Variants in ROBO1 observed in about 807,000 individuals in gnomAD.
ROBO1 encodes roundabout guidance receptor 1.
ROBO1 carries 149 observed loss-of-function variants against 195.9 expected under a neutral mutation model. That is an observed-to-expected ratio of 0.76 (90% CI 0.67 to 0.87). The LOEUF (loss-of-function observed/expected upper bound fraction) is 0.87. ROBO1 is among the 40% of genes least tolerant of loss of function. The pLI is 0.00. For synonymous variants in ROBO1, 816 were observed against 733.2 expected, an observed-to-expected ratio of 1.11 and a Z score of -1.82; for missense variants, 1,933 against 2,068.3, an observed-to-expected ratio of 0.93 and a Z score of 1.27.
intron 16 of ROBO1, chr3:78,660,010 T>C (rs1393595801): frequency 6.2e-6 from 2 of 321,360 alleles, no homozygotes; most frequent in African/African-American, 2.4e-5. Flanking sequence ...AACCTCCCCC[T>C]CCCGGGTTCA....
At chr3:79,435,283 G>T (rs767296304) in intron 2 of ROBO1, among the ~76,000 whole-genome samples, 2 of 152,084 alleles carry the variant, frequency 1.3e-5, no homozygotes, top group East Asian at 3.9e-4. Flanking sequence ...AGGTGGTCTT[G>T]CTATGTTGTT....
intron 3 of ROBO1, among the ~76,000 whole-genome samples, chr3:78,961,941 GTT>G (rs74866184): frequency 1.4e-5 from 2 of 141,716 alleles, no homozygotes; most frequent in Admixed American, 7.0e-5. Flanking sequence ...TTTGTTTTTT[GTT>G]TTTTTTTTTT....
chr3:79,478,567 G>C (rs1485722658), intron 2 of ROBO1, among the ~76,000 whole-genome samples: 1 of 152,130 alleles, frequency 6.6e-6, no homozygotes, highest in African/African-American at 2.4e-5. Flanking sequence ...TTCCCAGAAA[G>C]CCTGAGCTGC....
At chr3:79,193,384 T>C (rs766409599) in intron 2 of ROBO1, among the ~76,000 whole-genome samples, 6 of 151,628 alleles carry the variant, frequency 4.0e-5, no homozygotes, top group African/African-American at 7.3e-5. Context: ...AATGACCTCA[T>C]GAAATAGTCA....
intron 3 of ROBO1, among the ~76,000 whole-genome samples, chr3:79,099,377 A>T (rs1406215999): frequency 6.6e-6 from 1 of 151,792 alleles, no homozygotes; most frequent in Admixed American, 6.6e-5. Flanking sequence ...CAATTACTTG[A>T]TGTGTAGTAT....
intron 1 of ROBO1, among the ~76,000 whole-genome samples, chr3:79,679,505 T>G (rs1426285600): frequency 6.6e-6 from 1 of 152,048 alleles, no homozygotes; most frequent in East Asian, 1.9e-4. Flanking sequence ...CAATTTTACT[T>G]GAAGATATGT....
chr3:79,283,152 C>T (rs1209315198), intron 2 of ROBO1, among the ~76,000 whole-genome samples: 2 of 152,140 alleles, frequency 1.3e-5, no homozygotes, highest in African/African-American at 2.4e-5. Context: ...TCATGCCATC[C>T]ATAATTGCTT....
At position 79,187,901 on chromosome 3, in the gene ROBO1, T is replaced by C. The variant is rs773521283; in HGVS notation, c.89-62362A>G. Among the ~76,000 whole-genome samples the C allele has an allele frequency of 2.7e-4, 41 of 152,010 alleles. 1 individual carries two copies. The highest frequency in any genetic ancestry group is 8.0e-4 in the African/African-American group (33 of 41,426). ...AAACTGCCTGAGGAGGCAGGAAACC[T>C]AGTCTGTAATTGTGGTTTTGCTCCT... On this transcript the variant is annotated intron_variant, in intron 2 of 30. Transcript: ENST00000464233.
chr3:78,822,492 G>A (rs1297755035), intron 4 of ROBO1, among the ~76,000 whole-genome samples: 1 of 152,010 alleles, frequency 6.6e-6, no homozygotes, highest in Non-Finnish European at 1.5e-5. Context: ...CACATCCAAG[G>A]GACTAGAGAA....
At chr3:79,513,447 C>T (rs1940808408) in intron 2 of ROBO1, among the ~76,000 whole-genome samples, 1 of 151,894 alleles carries the variant, frequency 6.6e-6, no homozygotes, top group African/African-American at 2.4e-5. Context: ...AGATGATTAC[C>T]ATGAACTCAC....
In ROBO1 at chr3:79,019,856, A is replaced by AT. The variant is rs563418208; in HGVS notation, c.173-80930dup. Among the ~76,000 whole-genome samples the AT allele has an allele frequency of 3.1e-3, 474 of 151,850 alleles. 7 individuals carry two copies. The highest frequency in any genetic ancestry group is 9.9e-3 in the African/African-American group (409 of 41,332). On this transcript the variant is annotated intron_variant, in intron 3 of 30. Coordinates refer to ENST00000464233, the MANE Select transcript of ROBO1 (RefSeq NM_002941.4). The stretch of plus-strand genomic sequence containing the variant: ...TCCACTCTCACTTCTCCCCATTCCC[A>AT]TTTAAAAAAAAAAAATCAATTTTGA...
chr3:79,406,832 C>T (rs1575782338), intron 2 of ROBO1, among the ~76,000 whole-genome samples: 1 of 151,736 alleles, frequency 6.6e-6, no homozygotes, highest in Non-Finnish European at 1.5e-5. Context: ...TGTTTTTTTT[C>T]CTTTCCACAT....
intron 2 of ROBO1, among the ~76,000 whole-genome samples, chr3:79,462,380 G>A (rs1160699477): frequency 6.6e-6 from 1 of 152,142 alleles, no homozygotes; most frequent in Admixed American, 6.5e-5. Flanking sequence ...ACTTTCAAAG[G>A]CATGTTGGAG....
At chr3:79,631,924 G>T (rs188485511) in intron 1 of ROBO1, among the ~76,000 whole-genome samples, 1 of 152,172 alleles carries the variant, frequency 6.6e-6, no homozygotes, top group Non-Finnish European at 1.5e-5. Flanking sequence ...ACCACAGTGA[G>T]ATGCCATCTC....
At position 78,756,335 on chromosome 3, in the gene ROBO1, A is replaced by G. The variant is rs185031858; in HGVS notation, c.500-9435T>C. On this transcript the variant is annotated intron_variant, in intron 4 of 30. Coordinates refer to ENST00000464233, the MANE Select transcript of ROBO1 (RefSeq NM_002941.4). ...TATTAAATCAATAACAATAAAATGA[A>G]TAACACACTAAAGGATATGATAAAT... Among the ~76,000 whole-genome samples the G allele has an allele frequency of 4.1e-4, 62 of 152,312 alleles. No individual in the cohort carries two copies. In the East Asian group the frequency reaches 0.011, roughly 27 times the overall value.
At chr3:78,609,214 T>C (rs989838352) in intron 28 of ROBO1, among the ~76,000 whole-genome samples, 5 of 152,200 alleles carry the variant, frequency 3.3e-5, no homozygotes, top group African/African-American at 4.8e-5. Context: ...CAAATTTACA[T>C]GGTAAAAAAT....
intron 4 of ROBO1, among the ~76,000 whole-genome samples, chr3:78,758,005 T>C (rs949364605): frequency 3.3e-5 from 5 of 152,180 alleles, no homozygotes; most frequent in Non-Finnish European, 7.3e-5. Context: ...ATTGTGTAGC[T>C]GCGTGAGCTG....
intron 1 of ROBO1, among the ~76,000 whole-genome samples, chr3:79,605,122 G>A (rs1369974737): frequency 2.0e-5 from 3 of 151,872 alleles, no homozygotes; most frequent in Admixed American, 6.6e-5. Context: ...GGAATTGTCC[G>A]AAATGTTCAA....
chr3:79,287,540 T>C (rs1318341481), intron 2 of ROBO1, among the ~76,000 whole-genome samples: 1 of 152,186 alleles, frequency 6.6e-6, no homozygotes, highest in East Asian at 1.9e-4. Flanking sequence ...TTGCAGGTGG[T>C]AGACAAATGA....
Sources: allele counts gnomAD v4.1 joint callset (sites outside exome capture counted in the v4.1 genomes callset), GRCh38; gene constraint gnomAD v4.1.1; transcripts MANE v1.5; gene names NCBI Gene and HGNC (gene_info 2026-07-23, HGNC 2026-07-21).